Variants in TARS2 observed in about 807,000 individuals in gnomAD.
The protein encoded by TARS2 is threonine--tRNA ligase, mitochondrial.
A neutral mutation model predicts 94.4 loss-of-function variants in TARS2; 61 were observed. The observed-to-expected ratio is 0.65, with a 90% CI of 0.53 to 0.80. The LOEUF is 0.80. Among genes scored for constraint, TARS2 ranks in the 30% least tolerant of loss-of-function variants. TARS2 has a pLI of 0.00. For synonymous variants in TARS2, 359 were observed against 353.4 expected, an observed-to-expected ratio of 1.02 and a Z score of -0.18; for missense variants, 704 against 902.5, an observed-to-expected ratio of 0.78 and a Z score of 2.82.
chr1:150,502,135 A>C (rs1358843246), intron 13 of TARS2, among the ~76,000 whole-genome samples: 4 of 149,538 alleles, frequency 2.7e-5, no homozygotes, highest in Non-Finnish European at 5.9e-5. Flanking sequence ...CTGGTCTTGA[A>C]CTCCCAACCT....
Position 150,506,930 on chromosome 1 carries a change from G to C in TARS2, c.2023G>C (p.Glu675Gln), listed in dbSNP as rs1670251628. 53 of 1,614,096 alleles carry C rather than the reference G, an allele frequency of 3.3e-5. No homozygotes were observed. Among genetic ancestry groups the C allele is most frequent in the Non-Finnish European group, 4.4e-5 (52 of 1,180,020 alleles). The part of the protein sequence containing the change: ...YNFQFVVGQK[E>Q]QSKRTVNIRT... The stretch of plus-strand genomic sequence containing the variant: ...TCTACCTGCAGTGGTTGGCCAGAAA[G>C]AGCAAAGTAAGAGAACAGTGAACAT... The change falls in exon 18 of 18, where the codon GAG (glutamate) becomes CAG (glutamine). Residue 675 changes from glutamate to glutamine, a missense_variant. Coordinates refer to ENST00000369064, the MANE Select transcript of TARS2 (RefSeq NM_025150.5).
At chr1:150,506,610 T>C (rs1165162386) in intron 17 of TARS2, among the ~76,000 whole-genome samples, 3 of 140,806 alleles carry the variant, frequency 2.1e-5, no homozygotes, top group Non-Finnish European at 3.1e-5. Flanking sequence ...CACACACAGT[T>C]TCTCTCTGTG....
intron 8 of TARS2, 66 bp from the exon 9 acceptor site, chr1:150,496,741 AGTT>A (rs1184050782): frequency 1.9e-6 from 3 of 1,607,028 alleles, no homozygotes; most frequent in African/African-American, 2.7e-5. Context: ...CAGCTCCGTC[AGTT>A]GTTCTGAGTT....
At chr1:150,504,225 T>C in intron 13 of TARS2, 110 bp from the exon 14 acceptor site, 1 of 966,258 alleles carries the variant, frequency 1.0e-6, no homozygotes, top group Non-Finnish European at 1.6e-6. Context: ...ATGAAGGTAG[T>C]AGCCCGGGAT....
intron 7 of TARS2, among the ~76,000 whole-genome samples, chr1:150,494,146 C>T (rs1669533809): frequency 3.9e-5 from 6 of 152,052 alleles, no homozygotes. Flanking sequence ...GCAGGCGGAT[C>T]ACTTGAGGTC....
chr1:150,506,398 A>T (rs1670204076), intron 17 of TARS2, among the ~76,000 whole-genome samples: 1 of 151,816 alleles, frequency 6.6e-6, no homozygotes, highest in Non-Finnish European at 1.5e-5. Flanking sequence ...TAAGGGTCAG[A>T]GTGGTTGGGG....
chr1:150,499,402 C>T (rs1669813193), intron 13 of TARS2, 109 bp downstream of exon 13: 2 of 1,033,032 alleles, frequency 1.9e-6, no homozygotes, highest in Non-Finnish European at 2.8e-6. Flanking sequence ...CTCACTCTGT[C>T]ACCCAGGCTA....
chr1:150,495,962 CGCCCGCCTCG>C (rs1378457691), intron 7 of TARS2, among the ~76,000 whole-genome samples: 1 of 151,010 alleles, frequency 6.6e-6, no homozygotes, highest in Non-Finnish European at 1.5e-5. Flanking sequence ...CCTCGTGATC[CGCCCGCCTCG>C]GCCTCCCAAA....
At chr1:150,503,403 C>T (rs1169744699) in intron 13 of TARS2, among the ~76,000 whole-genome samples, 1 of 151,762 alleles carries the variant, frequency 6.6e-6, no homozygotes, top group East Asian at 1.9e-4. Flanking sequence ...GAATAATTGT[C>T]ATGGCCGGGT....
Position 150,492,499 on chromosome 1 carries a change from G to C in TARS2, c.774+10G>C, listed in dbSNP as rs1394121425. ...ACTGAAGCTGCTATCGGTCAGTTGT[G>C]GGACAGAGTTAGGTTAAGATTCCTA... On this transcript the variant is annotated intron_variant, in intron 7 of 17. Coordinates refer to ENST00000369064, the MANE Select transcript of TARS2 (RefSeq NM_025150.5). The C allele has an allele frequency of 6.2e-7, 1 of 1,613,208 alleles. No individual in the cohort carries two copies.
chr1:150,487,423 G>T lies in TARS2; in HGVS notation c.-28G>T, dbSNP rs587725000. ...GAGGAGAAGCGGCGATAATCTGTTT[G>T]AGGATGTAGGCACTGGTGTGAAGGA... On this transcript the variant is annotated 5_prime_UTR_variant, in exon 1 of 18. Coordinates refer to ENST00000369064, the MANE Select transcript of TARS2 (RefSeq NM_025150.5). 6.2e-7 allele frequency: 1 copy of T among 1,612,330 alleles called. No homozygotes were observed. Among genetic ancestry groups the T allele is most frequent in the South Asian group, 1.1e-5 (1 of 91,074 alleles).
intron 7 of TARS2, among the ~76,000 whole-genome samples, chr1:150,493,921 C>T (rs1339336740): frequency 6.6e-6 from 1 of 151,854 alleles, no homozygotes; most frequent in Admixed American, 6.6e-5. Flanking sequence ...CTTTGGGAGG[C>T]CAAGGTGGGT....
At chr1:150,491,128 C>T (rs1264215210) in intron 4 of TARS2, among the ~76,000 whole-genome samples, 4 of 152,112 alleles carry the variant, frequency 2.6e-5, no homozygotes, top group Non-Finnish European at 5.9e-5. Context: ...TCAAGTTTTA[C>T]TTAATCGCCC....
Position 150,496,556 on chromosome 1 carries a change from A to T in TARS2, c.849A>T (p.Thr283=). ...LQRVSGISFP[T]TELLRVWEAW... The stretch of plus-strand genomic sequence containing the variant: ...GAGTGTCAGGGATTTCCTTCCCCAC[A>T]ACAGAATTGCTGAGGGTCTGGGAAG... Residue 283 remains threonine, a synonymous_variant, in exon 8 of 18, where the codon ACA becomes ACT. Coordinates refer to ENST00000369064, the MANE Select transcript of TARS2 (RefSeq NM_025150.5). The T allele has an allele frequency of 6.2e-7, 1 of 1,614,106 alleles. No individual in the cohort carries two copies. Among genetic ancestry groups the T allele is most frequent in the African/African-American group, 1.3e-5 (1 of 75,018 alleles).
chr1:150,496,804 C>A lies in TARS2; in HGVS notation c.922-6C>A. The A allele has an allele frequency of 6.2e-7, 1 of 1,613,560 alleles. No individual in the cohort carries two copies. Among genetic ancestry groups the A allele is most frequent in the Non-Finnish European group, 8.5e-7 (1 of 1,179,878 alleles). The stretch of plus-strand genomic sequence containing the variant: ...GGTGACCCAATATTGCTATTCCTGA[C>A]CCCAGGAACAGGAGCTCTTCTTCTT... On this transcript the variant is annotated splice_region_variant and splice_polypyrimidine_tract_variant and intron_variant, in intron 8 of 17. Coordinates refer to ENST00000369064, the MANE Select transcript of TARS2 (RefSeq NM_025150.5).
intron 7 of TARS2, among the ~76,000 whole-genome samples, chr1:150,494,892 C>T (rs11205384): frequency 0.58 from 87,694 of 151,240 alleles, 25,790 homozygotes; most frequent in Non-Finnish European, 0.61. Flanking sequence ...AAAAAATTAG[C>T]CAGGTGTGGC....
chr1:150,505,994 C>T (rs923207334), intron 17 of TARS2, among the ~76,000 whole-genome samples: 14 of 152,094 alleles, frequency 9.2e-5, no homozygotes, highest in East Asian at 3.8e-4. Flanking sequence ...GAGAAAGGGA[C>T]GGGAGGGTTA....
At chr1:150,491,176 C>A (rs1293371954) in intron 4 of TARS2, among the ~76,000 whole-genome samples, 1 of 152,192 alleles carries the variant, frequency 6.6e-6, no homozygotes, top group East Asian at 1.9e-4. Flanking sequence ...TCCAGATTTC[C>A]TGCATTCAAC....
chr1:150,503,615 ATATG>A (rs1313291743), intron 13 of TARS2, among the ~76,000 whole-genome samples: 2 of 125,090 alleles, frequency 1.6e-5, no homozygotes, highest in African/African-American at 4.1e-5. Flanking sequence ...GTGTGTATAT[ATATG>A]TGTGTGTATA....
Sources: gnomAD v4.1 joint callset for allele counts (sites outside exome capture counted in the v4.1 genomes callset) on GRCh38, gnomAD v4.1.1 for gene constraint, MANE v1.5 for transcripts, NCBI Gene and HGNC (gene_info 2026-07-23, HGNC 2026-07-21) for gene names.